Variants in CHCHD3 observed in about 807,000 individuals in gnomAD.
CHCHD3 encodes MICOS complex subunit MIC19.
A neutral mutation model predicts 38.2 loss-of-function variants in CHCHD3; 20 were observed. That is an observed-to-expected ratio of 0.52 (90% CI 0.37 to 0.76). The LOEUF (loss-of-function observed/expected upper bound fraction) is 0.76, where lower values mean the gene tolerates loss of function less well. CHCHD3 is among the 30% of genes least tolerant of loss of function. The probability of loss-of-function intolerance (pLI) is 0.00; values close to 1 mark genes in which losing one functional copy is unlikely to be tolerated. For synonymous variants in CHCHD3, 82 were observed against 100.0 expected (o/e 0.82, Z 1.07); for missense variants, 245 against 279.2 (o/e 0.88, Z 0.87).
chr7:133,056,342 G>A (rs930923564), intron 2 of CHCHD3, among the ~76,000 whole-genome samples: 14 of 151,922 alleles, frequency 9.2e-5, no homozygotes, highest in Non-Finnish European at 1.8e-4. Flanking sequence ...ACCCATCATC[G>A]CACATCATCC....
At chr7:132,861,226 C>T (rs781367514) in intron 5 of CHCHD3, among the ~76,000 whole-genome samples, 11 of 152,104 alleles carry the variant, frequency 7.2e-5, no homozygotes, top group Middle Eastern at 6.3e-3. Context: ...GTGCCATTTC[C>T]CGAGGAAAAC....
intron 4 of CHCHD3, among the ~76,000 whole-genome samples, chr7:132,959,087 G>A (rs552131262): frequency 3.9e-5 from 6 of 152,278 alleles, no homozygotes; most frequent in African/African-American, 1.4e-4. Flanking sequence ...AAATAGAGAA[G>A]AAAGGGGAGG....
At chr7:132,955,184 G>GTGTGTGTGTGTGTGTC (rs1811131912) in intron 4 of CHCHD3, among the ~76,000 whole-genome samples, 1 of 149,748 alleles carries the variant, frequency 6.7e-6, no homozygotes, top group East Asian at 2.0e-4. Flanking sequence ...GTGTGTGTGT[G>GTGTGTGTGTGTGTGTC]TGTGTGTGTG....
At chr7:132,808,515 T>C (rs1252173025) in intron 6 of CHCHD3, among the ~76,000 whole-genome samples, 3 of 152,212 alleles carry the variant, frequency 2.0e-5, no homozygotes, top group Non-Finnish European at 4.4e-5. Context: ...TCAGTTCTTC[T>C]ATAAAATATA....
At chr7:132,973,820 G>A in intron 4 of CHCHD3, 1 of 1,112,460 alleles carries the variant, frequency 9.0e-7, no homozygotes, top group South Asian at 2.1e-5. Context: ...TTTCCCAATT[G>A]CCTAGTGAAC....
intron 3 of CHCHD3, among the ~76,000 whole-genome samples, chr7:133,011,118 A>G (rs1275535095): frequency 6.6e-6 from 1 of 152,156 alleles, no homozygotes; most frequent in African/African-American, 2.4e-5. Context: ...AGGCACAAAC[A>G]GGTTTGGCAG....
chr7:132,807,488 G>GA (rs1473593212), intron 6 of CHCHD3, among the ~76,000 whole-genome samples: 1 of 151,704 alleles, frequency 6.6e-6, no homozygotes, highest in African/African-American at 2.4e-5. Flanking sequence ...ATGAGTAATG[G>GA]AAAATGGAAT....
chr7:133,025,972 G>A (rs568838373), intron 2 of CHCHD3, among the ~76,000 whole-genome samples: 1 of 152,264 alleles, frequency 6.6e-6, no homozygotes, highest in Non-Finnish European at 1.5e-5. Flanking sequence ...TTGGCATGAG[G>A]CAATCACAAA....
intron 2 of CHCHD3, among the ~76,000 whole-genome samples, chr7:133,066,844 A>G (rs1390432512): frequency 6.6e-6 from 1 of 152,142 alleles, no homozygotes; most frequent in East Asian, 1.9e-4. Flanking sequence ...ACAACCAACA[A>G]TTACTTATAG....
intron 4 of CHCHD3, among the ~76,000 whole-genome samples, chr7:132,966,142 G>A (rs1811459105): frequency 6.6e-6 from 1 of 152,116 alleles, no homozygotes; most frequent in Admixed American, 6.6e-5. Context: ...ATGATGAATG[G>A]GCTAAATGAG....
chr7:132,995,037 A>T (rs2117378719), intron 3 of CHCHD3, among the ~76,000 whole-genome samples: 1 of 152,316 alleles, frequency 6.6e-6, no homozygotes, highest in East Asian at 1.9e-4. Flanking sequence ...ACACTAAAAA[A>T]GTTCAAAAAC....
At chr7:133,009,124 G>A (rs1458844383) in intron 3 of CHCHD3, among the ~76,000 whole-genome samples, 2 of 151,922 alleles carry the variant, frequency 1.3e-5, no homozygotes, top group African/African-American at 2.4e-5. Context: ...AGCACTTTGG[G>A]AGGCCAAGGC....
At chr7:132,962,939 A>G (rs900459265) in intron 4 of CHCHD3, among the ~76,000 whole-genome samples, 1 of 152,182 alleles carries the variant, frequency 6.6e-6, no homozygotes, top group African/African-American at 2.4e-5. Context: ...CTGTATCCAG[A>G]GGAACAGTTG....
intron 4 of CHCHD3, among the ~76,000 whole-genome samples, chr7:132,964,110 C>G (rs1437583391): frequency 6.6e-6 from 1 of 152,170 alleles, no homozygotes; most frequent in African/African-American, 2.4e-5. Flanking sequence ...ACTGAATTCA[C>G]TACGAGTAGA....
At chr7:133,007,933 ATT>A (rs1812744760) in intron 3 of CHCHD3, among the ~76,000 whole-genome samples, 2 of 152,170 alleles carry the variant, frequency 1.3e-5, no homozygotes, top group Non-Finnish European at 1.5e-5. Flanking sequence ...GTTGAATCTC[ATT>A]TAATTTGCCA....
intron 4 of CHCHD3, among the ~76,000 whole-genome samples, chr7:132,959,041 T>C (rs1455897648): frequency 6.6e-6 from 1 of 152,200 alleles, no homozygotes; most frequent in Non-Finnish European, 1.5e-5. Context: ...CCCTTAATTC[T>C]ATCTTGAGAG....
At chr7:132,992,458 C>T (rs1812308389) in intron 3 of CHCHD3, among the ~76,000 whole-genome samples, 1 of 151,988 alleles carries the variant, frequency 6.6e-6, no homozygotes, top group African/African-American at 2.4e-5. Flanking sequence ...TAACAACTAC[C>T]TCTTCCCATT....
chr7:133,048,770 A>G lies in CHCHD3; in HGVS notation c.169+21372T>C, dbSNP rs545230014. On this transcript the variant is annotated intron_variant, in intron 2 of 7. Coordinates refer to ENST00000262570, the MANE Select transcript of CHCHD3 (RefSeq NM_017812.4). ...AAATGTATGTGCAAATACTCCCCCC[A>G]AGCGGGCCGCAAAAGATATATAAAT... Among the ~76,000 whole-genome samples, 14 of 152,284 alleles carry G rather than the reference A, an allele frequency of 9.2e-5. No homozygotes were observed. In the South Asian group the frequency reaches 2.9e-3, roughly 32 times the overall value.
rs1484883079 is a variant in CHCHD3, at chr7:132,985,604, G to A, written c.252-10318C>T. ...CCGCCCCATCCGGGAGGTGAGGGGC[G>A]CCTCTGCCCGGCCGCCCCTACTGGG... On this transcript the variant is annotated intron_variant, in intron 3 of 7. Coordinates refer to ENST00000262570, the MANE Select transcript of CHCHD3 (RefSeq NM_017812.4). Among the ~76,000 whole-genome samples, 14 of 80,242 alleles carry A rather than the reference G, an allele frequency of 1.7e-4. 1 individual carries two copies. Among genetic ancestry groups the A allele is most frequent in the African/African-American group, 6.8e-4 (14 of 20,666 alleles). 52.6% of individuals were successfully genotyped at this position (80,242 alleles called of 152,430 possible). A position where few individuals can be genotyped will look rare whatever the true frequency, so the allele number is the denominator to read the frequency against.
Sources: gnomAD v4.1 joint callset for allele counts (sites outside exome capture counted in the v4.1 genomes callset) on GRCh38, gnomAD v4.1.1 for gene constraint, MANE v1.5 for transcripts, NCBI Gene and HGNC (gene_info 2026-07-23, HGNC 2026-07-21) for gene names.